Variants in IDH3A observed in about 807,000 individuals in gnomAD.
IDH3A encodes isocitrate dehydrogenase [NAD] subunit alpha, mitochondrial.
In IDH3A, 23 loss-of-function variants were observed where a neutral mutation model predicts 43.3. That is an observed-to-expected ratio of 0.53 (90% CI 0.38 to 0.75). The LOEUF (loss-of-function observed/expected upper bound fraction) is 0.75. Ranked by LOEUF, IDH3A falls within the 30% of genes least tolerant of loss-of-function variation. The pLI, the probability that IDH3A is intolerant of heterozygous loss-of-function variation, is 0.00. For missense variants in IDH3A, 329 were observed against 474.4 expected, an observed-to-expected ratio of 0.69 and a Z score of 2.85; for synonymous variants, 154 against 163.5, an observed-to-expected ratio of 0.94 and a Z score of 0.44.
Position 78,166,130 on chromosome 15 carries a change from C to G in IDH3A, c.865-20C>G. 1 of 1,610,710 alleles carries G rather than the reference C, an allele frequency of 6.2e-7. No individual in the cohort carries two copies. Among genetic ancestry groups the G allele is most frequent in the Non-Finnish European group, 8.5e-7 (1 of 1,177,060 alleles). On this transcript the variant is annotated intron_variant, in intron 9 of 10. Transcript: ENST00000299518. The stretch of plus-strand genomic sequence containing the variant: ...AGTTTTTGTCTCTCCCTTGATGATG[C>G]TACTTTTCCCGATGTGTAGGTTCAT...
intron 8 of IDH3A, 98 bp downstream of exon 8, chr15:78,163,878 T>TG: frequency 6.3e-6 from 5 of 788,572 alleles, no homozygotes. Flanking sequence ...TATTGTGAAA[T>TG]AGAGTATTTG....
At chr15:78,153,691 C>T (rs1370223148) in intron 1 of IDH3A, among the ~76,000 whole-genome samples, 2 of 152,200 alleles carry the variant, frequency 1.3e-5, no homozygotes, top group Non-Finnish European at 2.9e-5. Context: ...TGTCTTTGCT[C>T]ATGTATCTAG....
Position 78,163,509 on chromosome 15 carries a change from G to A in IDH3A, c.614G>A (p.Arg205Gln), listed in dbSNP as rs781686326. ...VTAVHKANIM[R>Q]MSDGLFLQKC... is the part of the protein sequence containing the mutation. The stretch of plus-strand genomic sequence containing the variant: ...AGTTTTTATTTGATTAAATACAGGC[G>A]GATGTCAGATGGGCTTTTTCTACAA... The change falls in exon 7 of 11, where the codon CGG (arginine) becomes CAG (glutamine). Residue 205 changes from arginine (R) to glutamine (Q), a missense_variant and splice_region_variant. This residue lies in a region of IDH3A where 212 missense variants were observed against 345.5 expected (regional missense o/e 0.61). Transcript: ENST00000299518. 9.3e-6 allele frequency: 15 copies of A among 1,604,840 alleles called. No homozygotes were observed. The highest frequency in any genetic ancestry group is 4.5e-5 in the East Asian group (2 of 44,780).
rs768298014 is a variant in IDH3A at position 78,162,227 on chromosome 15, C to A, written c.478-7C>A. On this transcript the variant is annotated splice_region_variant and splice_polypyrimidine_tract_variant and intron_variant, in intron 5 of 10. Coordinates refer to ENST00000299518, the MANE Select transcript of IDH3A (RefSeq NM_005530.3). ...TTTCCAGCAAGGTGGGACTTCCTGT[C>A]TTGCAGATTGTTGATGGAGTCGTGC... 1.2e-6 allele frequency: 2 copies of A among 1,614,132 alleles called. No individual in the cohort carries two copies. The highest frequency in any genetic ancestry group is 1.7e-6 in the Non-Finnish European group (2 of 1,179,994).
At position 78,171,564 on chromosome 15, in the gene IDH3A, A is replaced by C; in HGVS notation, c.*2559A>C. On this transcript the variant is annotated 3_prime_UTR_variant, in exon 11 of 11. Transcript: ENST00000299518. ...AAATGAGAAGAAATGAGTGAGGCCC[A>C]GGCTCTGAGAACTCTGAGAATGTGT... 1 of 1,555,662 alleles carries C rather than the reference A, an allele frequency of 6.4e-7. No individual in the cohort carries two copies. The highest frequency in any genetic ancestry group is 8.9e-7 in the Non-Finnish European group (1 of 1,127,030).
At chr15:78,158,416 G>T (rs2074644692) in intron 3 of IDH3A, among the ~76,000 whole-genome samples, 1 of 129,970 alleles carries the variant, frequency 7.7e-6, no homozygotes, top group East Asian at 2.1e-4. Context: ...ACCTCCAACT[G>T]GTACATTCAT....
chr15:78,171,693 C>T lies in IDH3A; in HGVS notation c.*2688C>T. 1 of 590,548 alleles carries T rather than the reference C, an allele frequency of 1.7e-6. No individual in the cohort carries two copies. The highest frequency in any genetic ancestry group is 3.0e-5 in the East Asian group (1 of 33,568). 36.6% of individuals were successfully genotyped at this position (590,548 alleles called of 1,614,324 possible). ...CAAGACAGTGATCGCTCCTGGTATT[C>T]ATATGGCTTGTGTGTAGTCTCCTGT... On this transcript the variant is annotated 3_prime_UTR_variant, in exon 11 of 11. Transcript: ENST00000299518.
Position 78,163,720 on chromosome 15 carries a change from T to C in IDH3A, c.719T>C (p.Val240Ala). Residue 240 changes from valine (V) to alanine (A), a missense_variant, in exon 8 of 11, where the codon GTA (valine) becomes GCA (alanine). Coordinates refer to ENST00000299518, the MANE Select transcript of IDH3A (RefSeq NM_005530.3). ...GCACAAATGTATTCCTTGTAGATGGTACAAGATCCTTCCCAATTTGATGTT... is the reference window on the plus strand; with the variant it reads ...GCACAAATGTATTCCTTGTAGATGGCACAAGATCCTTCCCAATTTGATGTT... ...MYLDTVCLNM[V>A]QDPSQFDVLV... 6.2e-7 allele frequency: 1 copy of C among 1,612,654 alleles called. No homozygotes were observed. The highest frequency in any genetic ancestry group is 8.5e-7 in the Non-Finnish European group (1 of 1,178,654).
intron 2 of IDH3A, 191 bp from the exon 3 acceptor site, chr15:78,157,357 T>C: frequency 1.6e-6 from 1 of 626,064 alleles, no homozygotes; most frequent in Non-Finnish European, 2.6e-6. Flanking sequence ...AAGAGTAGGA[T>C]TGCAGAGTCT....
intron 10 of IDH3A, among the ~76,000 whole-genome samples, chr15:78,167,047 G>A (rs989866041): frequency 2.0e-5 from 3 of 152,200 alleles, no homozygotes; most frequent in Admixed American, 6.5e-5. Flanking sequence ...GAGCCTCAAG[G>A]AGCTGGGAAT....
chr15:78,161,527 C>T lies in IDH3A; in HGVS notation c.290-54C>T. 6.7e-7 allele frequency: 1 copy of T among 1,482,360 alleles called. No individual in the cohort carries two copies. Among genetic ancestry groups the T allele is most frequent in the Non-Finnish European group, 9.3e-7 (1 of 1,077,970 alleles). 91.8% of individuals were successfully genotyped at this position (1,482,360 alleles called of 1,614,324 possible). On this transcript the variant is annotated intron_variant, in intron 4 of 10. Transcript: ENST00000299518. This position sits in a 1 kb window ranked among gnomAD's most constrained non-coding sequence, Gnocchi z 4.8. ...GTAGCCGAGGTGGGTTAGTAGGTCA[C>T]ACGTGAGACCAGAATTCCTTCTAGT...
chr15:78,162,692 C>T (rs1278475767), intron 6 of IDH3A, among the ~76,000 whole-genome samples: 1 of 152,036 alleles, frequency 6.6e-6, no homozygotes, highest in Non-Finnish European at 1.5e-5. Context: ...ACTACAGGCA[C>T]ATGCCACCAT....
chr15:78,161,582 C>A lies in IDH3A; in HGVS notation c.291C>A (p.Gly97=). The stretch of plus-strand genomic sequence containing the variant: ...TCTGGGTTTTCTTCTGTATAACAGG[C>A]CCTTTGAAGACCCCAATAGCAGCCG... ...SMDKNKMGLK[G]PLKTPIAAGH... is the part of the protein sequence containing the mutation. Residue 97 remains glycine, a splice_region_variant and synonymous_variant, in exon 5 of 11, where the codon GGC becomes GGA. Transcript: ENST00000299518. The surrounding 1 kb of genome is among the most constrained non-coding windows in gnomAD (Gnocchi z 4.8). 1 of 1,612,016 alleles carries A rather than the reference C, an allele frequency of 6.2e-7. No homozygotes were observed. The highest frequency in any genetic ancestry group is 8.5e-7 in the Non-Finnish European group (1 of 1,179,614).
At chr15:78,155,497 C>T (rs2074616424) in intron 2 of IDH3A, 1 of 386,652 alleles carries the variant, frequency 2.6e-6, no homozygotes, top group East Asian at 4.2e-5. Context: ...AAGTTTGTCA[C>T]ATTAATATCT....
intron 1 of IDH3A, chr15:78,150,907 CTG>C (rs2074568819): frequency 6.6e-6 from 1 of 152,230 alleles, no homozygotes; most frequent in Admixed American, 6.5e-5. Context: ...ACTGTGAAAA[CTG>C]AACTCAGTCC....
At position 78,161,668 on chromosome 15, in the gene IDH3A, C is replaced by T; in HGVS notation, c.377C>T (p.Pro126Leu). 6.2e-7 allele frequency: 1 copy of T among 1,614,140 alleles called. No homozygotes were observed. Among genetic ancestry groups the T allele is most frequent in the Non-Finnish European group, 8.5e-7 (1 of 1,179,992 alleles). The change falls in exon 5 of 11, where the codon CCA becomes CTA. Residue 126 changes from proline (P) to leucine (L), a missense_variant. Physicochemically the swap from Pro to Leu is moderately conservative, Grantham distance 98. Around this residue, in one of 3 missense-constraint regions of IDH3A, gnomAD observed 212 missense variants for 345.5 expected, o/e 0.61. Transcript: ENST00000299518. The surrounding 1 kb of genome is among the most constrained non-coding windows in gnomAD (Gnocchi z 4.8). ...TTTGACCTTTACGCGAATGTCCGAC[C>T]ATGTGTCTCTATCGAAGGCTATAAA... ...KTFDLYANVRPCVSIEGYKTP... is the reference protein window; with the variant it reads ...KTFDLYANVRLCVSIEGYKTP...
chr15:78,157,143 G>T (rs1213042331), intron 2 of IDH3A: 1 of 1,113,216 alleles, frequency 9.0e-7, no homozygotes, highest in Non-Finnish European at 1.1e-6. Flanking sequence ...TTGCCTTCAT[G>T]AGAAACCGTC....
At chr15:78,156,725 G>A (rs933717488) in intron 2 of IDH3A, among the ~76,000 whole-genome samples, 1 of 152,116 alleles carries the variant, frequency 6.6e-6, no homozygotes, top group Non-Finnish European at 1.5e-5. Flanking sequence ...TTCCCAAATG[G>A]AAAAAGAGGT....
chr15:78,152,801 C>T (rs1367040150), intron 1 of IDH3A, among the ~76,000 whole-genome samples: 1 of 152,114 alleles, frequency 6.6e-6, no homozygotes, highest in Non-Finnish European at 1.5e-5. Context: ...AGAGAGATGA[C>T]AAACATGGAA....
Sources: allele counts gnomAD v4.1 joint callset (sites outside exome capture counted in the v4.1 genomes callset), GRCh38; gene constraint gnomAD v4.1.1; regional missense constraint gnomAD v4.1.1; non-coding constraint Gnocchi (gnomAD v3.1); transcripts MANE v1.5; gene names NCBI Gene and HGNC (gene_info 2026-07-23, HGNC 2026-07-21).